Variants in LRRFIP1 observed in about 807,000 individuals in gnomAD.
The protein encoded by LRRFIP1 is leucine-rich repeat flightless-interacting protein 1.
A neutral mutation model predicts 104.4 loss-of-function variants in LRRFIP1; 62 were observed. The observed-to-expected ratio is 0.59, with a 90% CI of 0.48 to 0.73. LRRFIP1 has a LOEUF of 0.73. LRRFIP1 is among the 30% of genes least tolerant of loss of function. LRRFIP1 has a pLI of 0.00. For synonymous variants in LRRFIP1, 300 were observed against 299.0 expected (o/e 1.00, Z -0.03); for missense variants, 796 against 824.5 (o/e 0.97, Z 0.42).
At chr2:237,639,756 G>C (rs929618380) in intron 1 of LRRFIP1, among the ~76,000 whole-genome samples, 22 of 152,050 alleles carry the variant, frequency 1.4e-4, no homozygotes, top group African/African-American at 5.3e-4. Context: ...CTTTTGTCTT[G>C]TGTTAGGGTT....
At chr2:237,695,720 C>T (rs892403725) in intron 1 of LRRFIP1, among the ~76,000 whole-genome samples, 1 of 151,850 alleles carries the variant, frequency 6.6e-6, no homozygotes, top group African/African-American at 2.4e-5. Flanking sequence ...TTTATTACCT[C>T]ACTGTTATTA....
At chr2:237,636,837 G>T (rs1165795250) in intron 1 of LRRFIP1, among the ~76,000 whole-genome samples, 1 of 152,240 alleles carries the variant, frequency 6.6e-6, no homozygotes, top group Non-Finnish European at 1.5e-5. Flanking sequence ...GCTCTGATTT[G>T]AACCCAGTCT....
intron 1 of LRRFIP1, among the ~76,000 whole-genome samples, chr2:237,644,170 T>C (rs2084488375): frequency 6.6e-6 from 1 of 152,252 alleles, no homozygotes; most frequent in Admixed American, 6.5e-5. Context: ...TTTGGCCTCA[T>C]TGGGCGTTGT....
At chr2:237,695,916 A>G (rs1186267533) in intron 1 of LRRFIP1, among the ~76,000 whole-genome samples, 6 of 152,204 alleles carry the variant, frequency 3.9e-5, no homozygotes, top group East Asian at 1.9e-4. Flanking sequence ...ATTGCCATGT[A>G]TTTGATTATA....
chr2:237,680,418 C>G (rs1291904538), intron 1 of LRRFIP1, among the ~76,000 whole-genome samples: 2 of 152,146 alleles, frequency 1.3e-5, no homozygotes, highest in African/African-American at 4.8e-5. Context: ...ATTCTCTAAA[C>G]AATACAGTCT....
At chr2:237,686,959 T>C (rs1414569925) in intron 1 of LRRFIP1, among the ~76,000 whole-genome samples, 2 of 151,876 alleles carry the variant, frequency 1.3e-5, no homozygotes, top group African/African-American at 4.8e-5. Context: ...GCCCCTGGAG[T>C]GGGAGGTGTG....
chr2:237,752,181 G>A (rs770725591), intron 14 of LRRFIP1, among the ~76,000 whole-genome samples: 1 of 152,176 alleles, frequency 6.6e-6, no homozygotes, highest in African/African-American at 2.4e-5. Flanking sequence ...CGAGGTGGGT[G>A]GATCACCGGA....
chr2:237,742,404 C>T (rs2057238101), intron 11 of LRRFIP1, among the ~76,000 whole-genome samples: 1 of 152,156 alleles, frequency 6.6e-6, no homozygotes, highest in Admixed American at 6.5e-5. Context: ...ATGAAACCTC[C>T]CGTATGTGGT....
At chr2:237,729,079 C>T (rs192166682) in intron 8 of LRRFIP1, among the ~76,000 whole-genome samples, 94 of 152,328 alleles carry the variant, frequency 6.2e-4, no homozygotes, top group Middle Eastern at 6.8e-3. Flanking sequence ...TCCACTACCA[C>T]ACCTGGCTAA....
chr2:237,775,803 A>G (rs565820808), intron 23 of LRRFIP1, among the ~76,000 whole-genome samples: 2 of 152,046 alleles, frequency 1.3e-5, no homozygotes, highest in South Asian at 2.1e-4. Flanking sequence ...GTGCCACTGC[A>G]CTCCAGCATG....
chr2:237,712,392 GA>G (rs1309036364), intron 2 of LRRFIP1, among the ~76,000 whole-genome samples: 1 of 152,174 alleles, frequency 6.6e-6, no homozygotes, highest in African/African-American at 2.4e-5. Context: ...AGCAAAGGGG[GA>G]AACAGAATGA....
At chr2:237,668,219 C>T (rs2089791972) in intron 1 of LRRFIP1, among the ~76,000 whole-genome samples, 2 of 152,122 alleles carry the variant, frequency 1.3e-5, no homozygotes, top group Non-Finnish European at 2.9e-5. Flanking sequence ...TCGGCAGCCT[C>T]CCAGTCCATC....
In LRRFIP1 at chr2:237,760,576, C is replaced by T. The variant is rs181687390; in HGVS notation, c.1459+371C>T. On this transcript the variant is annotated intron_variant, in intron 19 of 23. Coordinates refer to ENST00000308482, the MANE Select transcript of LRRFIP1 (RefSeq NM_001137550.2). ...ACCTATAAAGTGTGGCTTTTTAAAC[C>T]GATTCTATGACAGAATTATCAAAAG... Among the ~76,000 whole-genome samples, 31 of 152,268 alleles carry T rather than the reference C, an allele frequency of 2.0e-4. No homozygotes were observed. In the East Asian group the frequency reaches 4.8e-3, roughly 24 times the overall value.
At position 237,760,142 on chromosome 2, in the gene LRRFIP1, G is replaced by C; in HGVS notation, c.1396G>C (p.Gly466Arg). 1 of 1,613,950 alleles carries C rather than the reference G, an allele frequency of 6.2e-7. No individual in the cohort carries two copies. The highest frequency in any genetic ancestry group is 8.5e-7 in the Non-Finnish European group (1 of 1,179,880). ...SDTLNNVGYQ[G>R]PTKMTKEELN... ...CACCCTCAATAATGTTGGATACCAA[G>C]GTCCTACCAAGATGACAAAAGAAGA... The change falls in exon 19 of 24, where the codon GGT becomes CGT. Residue 466 changes from glycine (G) to arginine (R), a missense_variant. Physicochemically the swap from Gly to Arg is moderately radical, Grantham distance 125. Transcript: ENST00000308482.
chr2:237,754,650 T>A (rs2059055121), intron 15 of LRRFIP1, among the ~76,000 whole-genome samples: 1 of 152,252 alleles, frequency 6.6e-6, no homozygotes, highest in Non-Finnish European at 1.5e-5. Context: ...CCTTCAGGCC[T>A]GCTTCTTCGA....
rs1464625245 is a variant in LRRFIP1 at position 237,735,456 on chromosome 2, C to G, written c.555+123C>G. 1 of 800,544 alleles carries G rather than the reference C, an allele frequency of 1.2e-6. No homozygotes were observed. The highest frequency in any genetic ancestry group is 2.8e-5 in the East Asian group (1 of 36,054). The allele number at this position is 800,544 out of a possible 1,614,324, so 49.6% of individuals were successfully genotyped here. A position where few individuals can be genotyped will look rare whatever the true frequency, so the allele number is the denominator to read the frequency against. ...TTCTCAGGAGGAAGCGCCGAGTCAC[C>G]GGGCTAACCGCCACCTTCCATTGTA... On this transcript the variant is annotated intron_variant, in intron 10 of 23. Transcript: ENST00000308482. The surrounding 1 kb of genome is among the most constrained non-coding windows in gnomAD (Gnocchi z 4.6).
intron 7 of LRRFIP1, among the ~76,000 whole-genome samples, chr2:237,725,933 T>C (rs1292566680): frequency 6.6e-6 from 1 of 152,236 alleles, no homozygotes; most frequent in Non-Finnish European, 1.5e-5. Flanking sequence ...ACATTTCTCT[T>C]CCTCATTTGT....
intron 1 of LRRFIP1, among the ~76,000 whole-genome samples, chr2:237,674,479 G>T (rs1367965817): frequency 6.6e-6 from 1 of 152,222 alleles, no homozygotes; most frequent in Non-Finnish European, 1.5e-5. Flanking sequence ...GCATGTGTTT[G>T]TCCTCTTATT....
rs1337472416 is a variant in LRRFIP1 at position 237,691,916 on chromosome 2, G to A, written c.97-16628G>A. The stretch of plus-strand genomic sequence containing the variant: ...TCCGAGACGGAGCGCGGGGGGCGGG[G>A]CGGGGCTCGCGTTAAGGGAGCGCGG... On this transcript the variant is annotated intron_variant, in intron 1 of 23. Coordinates refer to ENST00000308482, the MANE Select transcript of LRRFIP1 (RefSeq NM_001137550.2). The surrounding 1 kb of genome is among the most constrained non-coding windows in gnomAD (Gnocchi z 5.4). 1.3e-5 allele frequency among the ~76,000 whole-genome samples: 2 copies of A among 150,980 alleles called. No individual in the cohort carries two copies. Among genetic ancestry groups the A allele is most frequent in the African/African-American group, 2.4e-5 (1 of 40,970 alleles).
Sources: gnomAD v4.1 joint callset for allele counts (sites outside exome capture counted in the v4.1 genomes callset) on GRCh38, gnomAD v4.1.1 for gene constraint, Gnocchi (gnomAD v3.1) non-coding constraint, MANE v1.5 for transcripts, NCBI Gene and HGNC (gene_info 2026-07-23, HGNC 2026-07-21) for gene names.